CNTN5: variants seen among roughly 807,000 people sequenced by gnomAD.
The protein encoded by CNTN5 is contactin-5.
Under a neutral mutation model 129.1 loss-of-function variants are expected in CNTN5, and 77 were observed. The ratio of observed to expected loss-of-function variants is 0.60; its 90% CI spans 0.50 to 0.72. The LOEUF (loss-of-function observed/expected upper bound fraction) is 0.72, where lower values mean the gene tolerates loss of function less well. CNTN5 is among the 30% of genes least tolerant of loss of function. CNTN5 has a pLI of 0.00. For missense variants in CNTN5, 1,478 were observed against 1,328.8 expected, an observed-to-expected ratio of 1.11 and a Z score of -1.75; for synonymous variants, 509 against 465.6, an observed-to-expected ratio of 1.09 and a Z score of -1.20.
intron 4 of CNTN5, 125 bp from the exon 5 acceptor site, chr11:99,844,727 G>A: frequency 1.2e-6 from 1 of 818,834 alleles, no homozygotes; most frequent in South Asian, 1.9e-5. Flanking sequence ...CTTCTTTTGG[G>A]AATTTACCTG....
intron 1 of CNTN5, among the ~76,000 whole-genome samples, chr11:99,138,611 T>C (rs2135455040): frequency 6.6e-6 from 1 of 152,298 alleles, no homozygotes; most frequent in Non-Finnish European, 1.5e-5. Flanking sequence ...CGATTATGCA[T>C]CAGAAGTAAA....
intron 2 of CNTN5, among the ~76,000 whole-genome samples, chr11:99,410,505 G>A (rs909075962): frequency 2.0e-5 from 3 of 151,912 alleles, no homozygotes; most frequent in African/African-American, 7.3e-5. Flanking sequence ...GGAACAAAAG[G>A]TTTCTAAATG....
chr11:99,324,623 T>A (rs553248463), intron 1 of CNTN5, among the ~76,000 whole-genome samples: 2 of 152,320 alleles, frequency 1.3e-5, no homozygotes, highest in South Asian at 4.1e-4. Context: ...ATAGAGAATT[T>A]CATTAAACAA....
chr11:99,827,758 A>G (rs1947011555), intron 4 of CNTN5, among the ~76,000 whole-genome samples: 1 of 152,116 alleles, frequency 6.6e-6, no homozygotes, highest in African/African-American at 2.4e-5. Context: ...GCTCCTTTAT[A>G]CAATTACTTT....
intron 1 of CNTN5, among the ~76,000 whole-genome samples, chr11:99,063,245 G>T (rs1396992444): frequency 1.3e-5 from 2 of 151,986 alleles, no homozygotes; most frequent in Non-Finnish European, 2.9e-5. Context: ...TAAATACATG[G>T]CATCATTAGT....
intron 7 of CNTN5, among the ~76,000 whole-genome samples, chr11:99,944,071 T>C (rs1477642249): frequency 2.0e-5 from 3 of 151,932 alleles, no homozygotes; most frequent in African/African-American, 7.2e-5. Context: ...TCTAGCTCTT[T>C]GAAGAAAGTC....
intron 3 of CNTN5, among the ~76,000 whole-genome samples, chr11:99,628,611 GACACACACACAC>G (rs10607009): frequency 7.9e-4 from 117 of 147,260 alleles, no homozygotes; most frequent in African/African-American, 2.6e-3. Context: ...GCTAAATAAT[GACACACACACAC>G]ACACACACAC....
chr11:99,453,963 CAT>C (rs1343306309), intron 2 of CNTN5, among the ~76,000 whole-genome samples: 6 of 152,224 alleles, frequency 3.9e-5, no homozygotes, highest in African/African-American at 1.4e-4. Context: ...AATTAAATGA[CAT>C]ATATTTCTTC....
intron 22 of CNTN5, 40 bp downstream of exon 22, chr11:100,340,689 G>A (rs1199060400): frequency 6.5e-7 from 1 of 1,529,124 alleles, no homozygotes; most frequent in Non-Finnish European, 8.8e-7. Context: ...AGACAAAGGG[G>A]AAACATCGTA....
intron 2 of CNTN5, among the ~76,000 whole-genome samples, chr11:99,480,564 T>C (rs1318368353): frequency 1.3e-5 from 2 of 152,212 alleles, no homozygotes; most frequent in Non-Finnish European, 2.9e-5. Flanking sequence ...TAATTTTACC[T>C]GATTCTTGAA....
At chr11:99,205,176 CAAA>C (rs1555077314) in intron 1 of CNTN5, among the ~76,000 whole-genome samples, 1 of 106,882 alleles carries the variant, frequency 9.4e-6, no homozygotes, top group Non-Finnish European at 2.2e-5. Flanking sequence ...AACAAACAAA[CAAA>C]AAAAACTCCA....
chr11:100,156,936 C>T (rs1256486476), intron 13 of CNTN5, among the ~76,000 whole-genome samples: 2 of 151,882 alleles, frequency 1.3e-5, no homozygotes, highest in Non-Finnish European at 2.9e-5. Context: ...TTTTAAAAAA[C>T]CAGCTCCTGG....
chr11:99,498,932 G>C lies in CNTN5; in HGVS notation c.-70-57213G>C, dbSNP rs12417839. Among the ~76,000 whole-genome samples, 1,560 of 152,266 alleles carry C rather than the reference G, an allele frequency of 0.01. 83 individuals are homozygous for C. The East Asian group carries it at 0.15, about 14-fold the overall frequency. On this transcript the variant is annotated intron_variant, in intron 2 of 24. Transcript: ENST00000524871. ...ACTGAGTAAGGAGATCTAGGAGATG[G>C]AGGTTTGTTTGGTAAAGCAAAATTC... is the stretch of plus-strand genomic sequence containing the variant.
intron 1 of CNTN5, among the ~76,000 whole-genome samples, chr11:99,066,421 A>C (rs1865106800): frequency 6.6e-6 from 1 of 152,044 alleles, no homozygotes; most frequent in African/African-American, 2.4e-5. Context: ...ATTTATTCTA[A>C]TGGCCATTAC....
At chr11:99,187,994 T>C (rs1406089304) in intron 1 of CNTN5, among the ~76,000 whole-genome samples, 4 of 151,882 alleles carry the variant, frequency 2.6e-5, no homozygotes, top group Admixed American at 6.6e-5. Flanking sequence ...AATGAAAATA[T>C]ACATATTCAT....
intron 16 of CNTN5, among the ~76,000 whole-genome samples, chr11:100,233,388 C>T (rs1236370332): frequency 1.3e-5 from 2 of 152,050 alleles, no homozygotes; most frequent in South Asian, 2.1e-4. Flanking sequence ...ATATACTCAC[C>T]GCAACTTAAG....
chr11:99,662,389 A>G (rs1952626315), intron 3 of CNTN5, among the ~76,000 whole-genome samples: 1 of 152,208 alleles, frequency 6.6e-6, no homozygotes, highest in Non-Finnish European at 1.5e-5. Context: ...CATAAGATTT[A>G]AGAAATGTAA....
At chr11:100,142,229 A>G (rs1946717853) in intron 13 of CNTN5, among the ~76,000 whole-genome samples, 2 of 152,198 alleles carry the variant, frequency 1.3e-5, no homozygotes, top group Admixed American at 1.3e-4. Flanking sequence ...ACCAGCTTGC[A>G]GATGGCCTAT....
At chr11:100,001,176 A>G (rs1939849781) in intron 8 of CNTN5, among the ~76,000 whole-genome samples, 1 of 152,178 alleles carries the variant, frequency 6.6e-6, no homozygotes, top group African/African-American at 2.4e-5. Context: ...CTACCACATG[A>G]AAAGGACTCA....
Sources: gnomAD v4.1 joint callset for allele counts (sites outside exome capture counted in the v4.1 genomes callset) on GRCh38, gnomAD v4.1.1 for gene constraint, MANE v1.5 for transcripts, NCBI Gene and HGNC (gene_info 2026-07-23, HGNC 2026-07-21) for gene names.